The following PDE4D variants were observed in gnomAD, a reference collection of about 807,000 sequenced individuals.
PDE4D encodes the protein 3',5'-cyclic-AMP phosphodiesterase 4D.
PDE4D carries 24 observed loss-of-function variants against 87.4 expected under a neutral mutation model. The ratio of observed to expected loss-of-function variants is 0.27; its 90% CI spans 0.20 to 0.39. PDE4D has a LOEUF of 0.39. PDE4D is among the 10% of genes least tolerant of loss of function. PDE4D has a pLI of 1.00. For missense variants in PDE4D, 714 were observed against 1,041.0 expected, an observed-to-expected ratio of 0.69 and a Z score of 4.32; for synonymous variants, 384 against 383.2, an observed-to-expected ratio of 1.00 and a Z score of -0.02.
At position 60,300,274 on chromosome 5, in the gene PDE4D, G is replaced by A. The variant is rs187473740; in HGVS notation, c.-89-114587C>T. On this transcript the variant is annotated intron_variant, in intron 1 of 16. Coordinates refer to the PDE4D transcript ENST00000502484. Reference sequence around the variant, plus strand: ...GTTTATTTCTTGTAAATGTGTTTAAGTTCCTTGTAGACTCTGGATACTAGA... The same window carrying A: ...GTTTATTTCTTGTAAATGTGTTTAAATTCCTTGTAGACTCTGGATACTAGA... 2.9e-3 allele frequency among the ~76,000 whole-genome samples: 446 copies of A among 152,218 alleles called. 3 individuals carry two copies. The highest frequency in any genetic ancestry group is 0.01 in the African/African-American group (424 of 41,518).
At chr5:59,196,356 A>T (rs1170533079) in intron 2 of PDE4D, among the ~76,000 whole-genome samples, 1 of 152,224 alleles carries the variant, frequency 6.6e-6, no homozygotes, top group African/African-American at 2.4e-5. Flanking sequence ...GGAACAGCTT[A>T]AAAAGATTAA....
intron 1 of PDE4D, among the ~76,000 whole-genome samples, chr5:60,315,184 G>A (rs1755444084): frequency 6.6e-6 from 1 of 152,190 alleles, no homozygotes; most frequent in Admixed American, 6.5e-5. Context: ...CATTCTAACT[G>A]GTGTGAGATG....
At chr5:60,114,829 A>G (rs1234696109) in intron 2 of PDE4D, among the ~76,000 whole-genome samples, 1 of 152,082 alleles carries the variant, frequency 6.6e-6, no homozygotes, top group Non-Finnish European at 1.5e-5. Context: ...TGATAAAGAC[A>G]TTATATGTAT....
chr5:59,213,213 G>A (rs972218493), intron 2 of PDE4D, among the ~76,000 whole-genome samples: 1 of 149,820 alleles, frequency 6.7e-6, no homozygotes, highest in Non-Finnish European at 1.5e-5. Flanking sequence ...CACCCAGGCT[G>A]GACTGCAGTG....
rs140365061 is a variant in PDE4D at position 59,241,627 on chromosome 5, T to C, written c.456-25659A>G. Among the ~76,000 whole-genome samples the C allele has an allele frequency of 5.3e-5, 8 of 152,334 alleles. No individual in the cohort carries two copies. The East Asian group carries it at 1.5e-3, about 29-fold the overall frequency. ...AGGTCAAGAGAGAGGGTAACTTTAC[T>C]TGACGAAGTCACAGCTCTGGGAGAA... On this transcript the variant is annotated intron_variant, in intron 1 of 14. Transcript: ENST00000340635.
intron 1 of PDE4D, among the ~76,000 whole-genome samples, chr5:59,343,335 T>C (rs1371987893): frequency 6.6e-6 from 1 of 152,150 alleles, no homozygotes; most frequent in Non-Finnish European, 1.5e-5. Context: ...CCTGTTCCCA[T>C]CACCCCCTGG....
At chr5:60,172,230 T>G (rs1259817086) in intron 2 of PDE4D, among the ~76,000 whole-genome samples, 3 of 148,296 alleles carry the variant, frequency 2.0e-5, no homozygotes, top group Non-Finnish European at 4.5e-5. Flanking sequence ...TATAAGTTAA[T>G]TTGAAATAGC....
chr5:59,705,013 T>C (rs1018442519), intron 1 of PDE4D, among the ~76,000 whole-genome samples: 2 of 152,190 alleles, frequency 1.3e-5, no homozygotes, highest in Non-Finnish European at 2.9e-5. Flanking sequence ...AAAAGGCAGA[T>C]TTTACAAGAC....
intron 5 of PDE4D, among the ~76,000 whole-genome samples, chr5:59,070,097 A>C (rs2153416916): frequency 6.6e-6 from 1 of 152,316 alleles, no homozygotes; most frequent in Non-Finnish European, 1.5e-5. Flanking sequence ...AGCAATTTCT[A>C]CTTTTAGAAG....
At chr5:60,494,189 C>T (rs1749690289) in intron 1 of PDE4D, among the ~76,000 whole-genome samples, 1 of 152,188 alleles carries the variant, frequency 6.6e-6, no homozygotes. Context: ...TGGGGCCTGG[C>T]AAGGAGTTGA....
chr5:59,271,525 T>A (rs1763847232), intron 1 of PDE4D, among the ~76,000 whole-genome samples: 1 of 152,124 alleles, frequency 6.6e-6, no homozygotes, highest in Admixed American at 6.6e-5. Flanking sequence ...ATTATAAAAT[T>A]GGACATTTTA....
intron 1 of PDE4D, among the ~76,000 whole-genome samples, chr5:59,583,720 T>G (rs1583216842): frequency 6.6e-6 from 1 of 152,216 alleles, no homozygotes; most frequent in African/African-American, 2.4e-5. Flanking sequence ...ACACCAGCCC[T>G]AGGGCAGGTG....
chr5:59,605,534 G>A (rs776144494), intron 1 of PDE4D, among the ~76,000 whole-genome samples: 2 of 152,038 alleles, frequency 1.3e-5, no homozygotes, highest in African/African-American at 2.4e-5. Flanking sequence ...TCTAAAAAGT[G>A]TAGAAAGCAC....
chr5:58,992,437 T>G (rs906491012), intron 7 of PDE4D, among the ~76,000 whole-genome samples: 1 of 152,128 alleles, frequency 6.6e-6, no homozygotes, highest in Admixed American at 6.6e-5. Context: ...GTAGAAACTT[T>G]ATACGCAAAT....
chr5:60,339,231 A>G (rs2149892645), intron 1 of PDE4D, among the ~76,000 whole-genome samples: 1 of 152,228 alleles, frequency 6.6e-6, no homozygotes, highest in African/African-American at 2.4e-5. Flanking sequence ...GCTTAAAGGA[A>G]GCACTTTAGG....
Position 59,135,328 on chromosome 5 carries a change from C to G in PDE4D, c.808+45267G>C, listed in dbSNP as rs76260203. Reference sequence around the variant, plus strand: ...TTATGAGTACTTTGGCAAGTAGTAGCAAAAGCTGTTTTCTCTAGGAAATTT... The same window carrying G: ...TTATGAGTACTTTGGCAAGTAGTAGGAAAAGCTGTTTTCTCTAGGAAATTT... On this transcript the variant is annotated intron_variant, in intron 5 of 14. Transcript: ENST00000340635. Among the ~76,000 whole-genome samples the G allele has an allele frequency of 2.6e-3, 394 of 152,254 alleles. 1 individual carries two copies. The highest frequency in any genetic ancestry group is 9.3e-3 in the African/African-American group (385 of 41,550).
intron 2 of PDE4D, among the ~76,000 whole-genome samples, chr5:59,989,698 G>T (rs1229003896): frequency 1.3e-5 from 2 of 152,072 alleles, no homozygotes; most frequent in Admixed American, 6.6e-5. Flanking sequence ...TTAATATTTT[G>T]ATTCTAGTTG....
At chr5:59,317,564 T>A (rs964541473) in intron 1 of PDE4D, among the ~76,000 whole-genome samples, 4 of 152,100 alleles carry the variant, frequency 2.6e-5, no homozygotes, top group Admixed American at 1.3e-4. Flanking sequence ...CCTGCAGGCA[T>A]ACAGAGTCAG....
chr5:59,881,241 A>C (rs959103770), intron 1 of PDE4D, among the ~76,000 whole-genome samples: 2 of 152,224 alleles, frequency 1.3e-5, no homozygotes, highest in African/African-American at 4.8e-5. Context: ...TAACAGAATG[A>C]ATTGAGCCAG....
Sources: gnomAD v4.1 joint callset for allele counts (sites outside exome capture counted in the v4.1 genomes callset) on GRCh38, gnomAD v4.1.1 for gene constraint, MANE v1.5 for transcripts, NCBI Gene and HGNC (gene_info 2026-07-23, HGNC 2026-07-21) for gene names.